Variants in NEBL observed in about 807,000 individuals in gnomAD.
The protein encoded by NEBL is LIM and SH3 protein 2.
Under a neutral mutation model 140.2 loss-of-function variants are expected in NEBL, and 122 were observed. The observed-to-expected ratio is 0.87, with a 90% CI of 0.75 to 1.01. NEBL has a LOEUF of 1.01. Among genes scored for constraint, NEBL ranks in the 50% least tolerant of loss-of-function variants. The probability of loss-of-function intolerance (pLI) is 0.00; values close to 1 mark genes in which losing one functional copy is unlikely to be tolerated. For missense variants in NEBL, 1,365 were observed against 1,231.3 expected (o/e 1.11, Z -1.62); for synonymous variants, 436 against 398.9 (o/e 1.09, Z -1.11).
Position 21,286,430 on chromosome 10 carries a change from T to C in NEBL, n.182+6400A>G, listed in dbSNP as rs191520961. Among the ~76,000 whole-genome samples the C allele has an allele frequency of 1.1e-4, 16 of 152,292 alleles. 1 individual carries two copies. In the East Asian group the frequency reaches 1.9e-3, roughly 18 times the overall value. On this transcript the variant is annotated intron_variant and non_coding_transcript_variant, in intron 1 of 8. Coordinates refer to the NEBL transcript ENST00000675702. ...CCATTGATATCCTATCTGAAGAAAA[T>C]TGCCATATTAAGAAAGATGTTCTGT...
intron 2 of NEBL, among the ~76,000 whole-genome samples, chr10:21,078,330 T>C (rs1360280014): frequency 6.6e-6 from 1 of 152,218 alleles, no homozygotes; most frequent in Non-Finnish European, 1.5e-5. Flanking sequence ...CTTTTTAAAG[T>C]AATAAGCCTT....
At position 20,869,744 on chromosome 10, in the gene NEBL, C is replaced by T; in HGVS notation, c.578G>A (p.Ser193Asn). 3 of 1,602,792 alleles carry T rather than the reference C, an allele frequency of 1.9e-6. No homozygotes were observed. Among genetic ancestry groups the T allele is most frequent in the Non-Finnish European group, 2.6e-6 (3 of 1,169,844 alleles). The change falls in exon 6 of 28, where the codon AGC becomes AAC. Residue 193 changes from serine to asparagine, a missense_variant. Ser to Asn is a conservative substitution (Grantham distance 46, BLOSUM62 1). Around this residue, in one of 2 missense-constraint regions of NEBL, gnomAD observed 1,323 missense variants for 1,154.8 expected, o/e 1.15. Coordinates refer to ENST00000377122, the MANE Select transcript of NEBL (RefSeq NM_006393.3). Reference sequence around the variant, plus strand: ...AGGTTTAGAAAGAGAAGTTACATTGCTTATGATCTTAGAGATCTGGGTTGC... The same window carrying T: ...AGGTTTAGAAAGAGAAGTTACATTGTTTATGATCTTAGAGATCTGGGTTGC... Reference protein sequence around the residue: ...KMATQISKIISNAEYKKGQGI... With the variant: ...KMATQISKIINNAEYKKGQGI...
At chr10:21,055,913 G>T (rs1168737254) in intron 2 of NEBL, among the ~76,000 whole-genome samples, 1 of 152,218 alleles carries the variant, frequency 6.6e-6, no homozygotes, top group Non-Finnish European at 1.5e-5. Flanking sequence ...ATCAGCCAGA[G>T]TATCTTGGCT....
chr10:21,031,340 TCAAA>T (rs1372973852), intron 2 of NEBL, among the ~76,000 whole-genome samples: 2 of 152,040 alleles, frequency 1.3e-5, no homozygotes, highest in Non-Finnish European at 2.9e-5. Context: ...AATCCCATGC[TCAAA>T]CAAAGAGGTT....
intron 2 of NEBL, among the ~76,000 whole-genome samples, chr10:21,128,699 C>T (rs903500234): frequency 7.2e-5 from 11 of 152,148 alleles, no homozygotes; most frequent in Non-Finnish European, 1.5e-4. Flanking sequence ...ATCATCAACA[C>T]CTTTTCCAAA....
chr10:20,872,154 C>T (rs1470723029), intron 5 of NEBL, among the ~76,000 whole-genome samples: 1 of 152,088 alleles, frequency 6.6e-6, no homozygotes, highest in African/African-American at 2.4e-5. Context: ...GGTGTTCAGC[C>T]TAATGACTGC....
chr10:21,001,406 T>G (rs1232423934), intron 3 of NEBL, among the ~76,000 whole-genome samples: 1 of 152,144 alleles, frequency 6.6e-6, no homozygotes, highest in Non-Finnish European at 1.5e-5. Flanking sequence ...GAAAGATTTT[T>G]CCAACTTGTA....
intron 1 of NEBL, among the ~76,000 whole-genome samples, chr10:21,277,155 T>A (rs1047696374): frequency 3.3e-5 from 5 of 151,430 alleles, no homozygotes; most frequent in Admixed American, 2.0e-4. Flanking sequence ...AAAAACACGA[T>A]TGCTCATGCC....
chr10:21,214,493 T>C (rs116589940), intron 3 of NEBL, among the ~76,000 whole-genome samples: 1,699 of 150,328 alleles, frequency 0.011, 25 homozygotes, highest in African/African-American at 0.039. Context: ...ACGCGCACAT[T>C]ACACACATGC....
intron 2 of NEBL, among the ~76,000 whole-genome samples, chr10:21,091,458 G>T (rs1836908534): frequency 6.6e-6 from 1 of 152,126 alleles, no homozygotes; most frequent in Admixed American, 6.5e-5. Flanking sequence ...AGACAAATAG[G>T]CAGCCTACAA....
intron 5 of NEBL, among the ~76,000 whole-genome samples, chr10:20,870,864 A>G (rs1564405446): frequency 6.6e-6 from 1 of 152,234 alleles, no homozygotes; most frequent in African/African-American, 2.4e-5. Flanking sequence ...TTTAGATCAC[A>G]TTCGTCATTT....
chr10:20,976,066 G>A (rs964214903), intron 3 of NEBL, among the ~76,000 whole-genome samples: 1 of 152,104 alleles, frequency 6.6e-6, no homozygotes. Flanking sequence ...TGGGTATGGT[G>A]GCTCACACCT....
intron 2 of NEBL, chr10:21,170,754 A>C (rs1033009148): frequency 1.3e-5 from 2 of 152,630 alleles, no homozygotes; most frequent in African/African-American, 2.4e-5. Context: ...AACACATATT[A>C]AACAGTCTTC....
intron 12 of NEBL, among the ~76,000 whole-genome samples, chr10:20,843,557 A>G (rs990944209): frequency 3.3e-5 from 5 of 151,688 alleles, no homozygotes; most frequent in African/African-American, 9.7e-5. Context: ...TTAAAAAATT[A>G]ACATAAATAG....
At chr10:20,803,481 T>G (rs1395171250) in intron 26 of NEBL, among the ~76,000 whole-genome samples, 1 of 152,194 alleles carries the variant, frequency 6.6e-6, no homozygotes, top group Non-Finnish European at 1.5e-5. Flanking sequence ...CAAAAAATTT[T>G]AACTACATTT....
At chr10:21,052,803 C>T (rs1244017833) in intron 2 of NEBL, among the ~76,000 whole-genome samples, 5 of 152,116 alleles carry the variant, frequency 3.3e-5, no homozygotes, top group Non-Finnish European at 7.4e-5. Context: ...GGAGGGCCAC[C>T]GGTGGTGCAT....
intron 12 of NEBL, among the ~76,000 whole-genome samples, chr10:20,842,021 A>G (rs1452683658): frequency 1.3e-5 from 2 of 152,112 alleles, no homozygotes; most frequent in African/African-American, 4.8e-5. Context: ...GAAAATCATA[A>G]ATATCTTATT....
chr10:21,198,777 G>C (rs1841690231), intron 3 of NEBL, among the ~76,000 whole-genome samples: 2 of 151,984 alleles, frequency 1.3e-5, no homozygotes, highest in Admixed American at 1.3e-4. Flanking sequence ...CTTCTGCCCA[G>C]AGCCTGCCCT....
chr10:20,791,843 G>C (rs191347039), intron 26 of NEBL, among the ~76,000 whole-genome samples: 43 of 152,318 alleles, frequency 2.8e-4, no homozygotes, highest in East Asian at 3.9e-4. Flanking sequence ...GGGGATGTAC[G>C]CAGAGTGCGT....
Sources: gnomAD v4.1 joint callset for allele counts (sites outside exome capture counted in the v4.1 genomes callset) on GRCh38, gnomAD v4.1.1 for gene constraint, gnomAD v4.1.1 regional missense constraint, MANE v1.5 for transcripts, NCBI Gene and HGNC (gene_info 2026-07-23, HGNC 2026-07-21) for gene names.